AKAP7: variants seen among roughly 807,000 people sequenced by gnomAD.
AKAP7 encodes the protein A kinase (PRKA) anchor protein 7.
A neutral mutation model predicts 39.5 loss-of-function variants in AKAP7; 39 were observed. The ratio of observed to expected loss-of-function variants is 0.99; its 90% confidence interval spans 0.76 to 1.29. AKAP7 has a LOEUF of 1.29. Ranked by LOEUF, AKAP7 falls within the 50% of genes most tolerant of loss-of-function variation. The pLI is 0.00. For missense variants in AKAP7, 414 were observed against 407.7 expected, an observed-to-expected ratio of 1.02 and a Z score of -0.13; for synonymous variants, 140 against 139.1, an observed-to-expected ratio of 1.01 and a Z score of -0.05.
intron 5 of AKAP7, among the ~76,000 whole-genome samples, chr6:131,178,799 C>T (rs550360389): frequency 3.2e-4 from 49 of 152,216 alleles, no homozygotes; most frequent in African/African-American, 5.1e-4. Context: ...TGCTTTTTTG[C>T]GCCAACACCT....
intron 7 of AKAP7, among the ~76,000 whole-genome samples, chr6:131,262,613 A>T (rs565679213): frequency 1.4e-4 from 21 of 151,700 alleles, no homozygotes; most frequent in Admixed American, 3.9e-4. Flanking sequence ...AATAATTTTT[A>T]AAAAAATATA....
At chr6:131,271,183 A>G (rs1022398784) in intron 7 of AKAP7, among the ~76,000 whole-genome samples, 1 of 152,132 alleles carries the variant, frequency 6.6e-6, no homozygotes, top group Non-Finnish European at 1.5e-5. Flanking sequence ...TCTTCTAGAC[A>G]GTTTATACTT....
chr6:131,176,505 A>G (rs1163662763), intron 5 of AKAP7, among the ~76,000 whole-genome samples: 1 of 152,094 alleles, frequency 6.6e-6, no homozygotes, highest in African/African-American at 2.4e-5. Context: ...AGACTGAGAG[A>G]TTGCTAAAAA....
intron 5 of AKAP7, among the ~76,000 whole-genome samples, chr6:131,185,738 C>T (rs138223058): frequency 6.6e-6 from 1 of 152,134 alleles, no homozygotes; most frequent in African/African-American, 2.4e-5. Flanking sequence ...ATCAGATATA[C>T]GATTTGCAAA....
At chr6:131,132,314 GA>G (rs11307437), upstream of AKAP7, among the ~76,000 whole-genome samples, 105,023 of 143,362 alleles carry the variant, frequency 0.73, 38,487 homozygotes, top group Non-Finnish European at 0.77. Context: ...TTCCGTCTCA[GA>G]AAAAAAAAAA....
Position 131,219,715 on chromosome 6 carries a change from G to A in AKAP7, c.757G>A (p.Gly253Arg), listed in dbSNP as rs1809535751. ...LYEKFISHRF[G>R]EEILYRIDLC... Reference sequence around the variant, plus strand: ...TGAAAAGTTTATCAGTCACAGATTTGGAGAAGAAATATTATATCGCATAGA... The same window carrying A: ...TGAAAAGTTTATCAGTCACAGATTTAGAGAAGAAATATTATATCGCATAGA... The change falls in exon 7 of 8, where the codon GGA becomes AGA. Residue 253 changes from glycine (G) to arginine (R), a missense_variant. Physicochemically the swap from Gly to Arg is moderately radical, Grantham distance 125. Coordinates refer to ENST00000431975, the MANE Select transcript of AKAP7 (RefSeq NM_016377.4). 2 of 1,597,640 alleles carry A rather than the reference G, an allele frequency of 1.3e-6. No homozygotes were observed.
intron 5 of AKAP7, among the ~76,000 whole-genome samples, chr6:131,198,047 T>C (rs1286478727): frequency 1.3e-5 from 2 of 152,132 alleles, no homozygotes; most frequent in East Asian, 1.9e-4. Context: ...ATGGGAGTGC[T>C]AGAAGCAAGG....
At chr6:131,226,766 T>C (rs1479188396) in intron 7 of AKAP7, among the ~76,000 whole-genome samples, 1 of 150,296 alleles carries the variant, frequency 6.7e-6, no homozygotes, top group Non-Finnish European at 1.5e-5. Context: ...AGACGTTTTT[T>C]GTTTGTTTGT....
chr6:131,260,426 G>A (rs1009944761), intron 7 of AKAP7, among the ~76,000 whole-genome samples: 2 of 152,142 alleles, frequency 1.3e-5, no homozygotes, highest in African/African-American at 4.8e-5. Flanking sequence ...CACCAACAGT[G>A]TAAAAGTGTT....
At chr6:131,259,533 T>C (rs1813133239) in intron 7 of AKAP7, among the ~76,000 whole-genome samples, 1 of 152,178 alleles carries the variant, frequency 6.6e-6, no homozygotes, top group African/African-American at 2.4e-5. Flanking sequence ...ATTAGGACAG[T>C]GAGTGTTAGT....
In AKAP7 at chr6:131,282,505, T is replaced by C; in HGVS notation, c.*779T>C. 1 of 1,535,898 alleles carries C rather than the reference T, an allele frequency of 6.5e-7. No individual in the cohort carries two copies. The highest frequency in any genetic ancestry group is 8.7e-7 in the Non-Finnish European group (1 of 1,146,766). On this transcript the variant is annotated 3_prime_UTR_variant, in exon 8 of 8. Transcript: ENST00000431975. ...AGATAAAGGAACTTTTATTAAAGCC[T>C]GAGACTCAGGCCAGAATTAGGAGGG...
In AKAP7 at chr6:131,282,957, G is replaced by A; in HGVS notation, c.*1231G>A. Reference sequence around the variant, plus strand: ...CAGAGCCAACAACAGTATTTTAAGGGTCACTTGCCTCCTGTTGACACAATT... The same window carrying A: ...CAGAGCCAACAACAGTATTTTAAGGATCACTTGCCTCCTGTTGACACAATT... On this transcript the variant is annotated 3_prime_UTR_variant, in exon 8 of 8. Transcript: ENST00000431975. 1 of 169,978 alleles carries A rather than the reference G, an allele frequency of 5.9e-6. No individual in the cohort carries two copies. The highest frequency in any genetic ancestry group is 1.3e-5 in the Non-Finnish European group (1 of 79,442). The allele number at this position is 169,978 out of a possible 1,614,324, so 10.5% of individuals were successfully genotyped here.
At chr6:131,243,389 C>T (rs73774714) in intron 7 of AKAP7, among the ~76,000 whole-genome samples, 352 of 152,250 alleles carry the variant, frequency 2.3e-3, no homozygotes, top group African/African-American at 8.2e-3. Context: ...CATAAACAGA[C>T]TAATCAGAAT....
intron 5 of AKAP7, among the ~76,000 whole-genome samples, chr6:131,190,232 T>G (rs1190801): frequency 0.29 from 43,410 of 152,094 alleles, 6,925 homozygotes; most frequent in Non-Finnish European, 0.36. Flanking sequence ...CAAAAGTTCT[T>G]TGTGACAAAT....
At chr6:131,276,261 G>A (rs1814729613) in intron 7 of AKAP7, among the ~76,000 whole-genome samples, 1 of 152,208 alleles carries the variant, frequency 6.6e-6, no homozygotes, top group Middle Eastern at 3.4e-3. Flanking sequence ...AAATTTTCTG[G>A]TGTGTATGTG....
chr6:131,163,540 C>T (rs533692324), intron 3 of AKAP7, among the ~76,000 whole-genome samples: 15 of 152,288 alleles, frequency 9.8e-5, no homozygotes, highest in African/African-American at 2.4e-4. Flanking sequence ...TTGGCCTCTA[C>T]GTGTTGGCAT....
chr6:131,257,983 T>A (rs1357175526), intron 7 of AKAP7, among the ~76,000 whole-genome samples: 2 of 152,192 alleles, frequency 1.3e-5, no homozygotes, highest in Non-Finnish European at 1.5e-5. Flanking sequence ...TTAATACACT[T>A]TTTTTGTTGC....
chr6:131,184,911 C>T (rs1469334336), intron 5 of AKAP7: 5 of 913,386 alleles, frequency 5.5e-6, no homozygotes, highest in Non-Finnish European at 9.2e-6. Flanking sequence ...CATCCAGCTC[C>T]TTATGGGCAC....
intron 2 of AKAP7, among the ~76,000 whole-genome samples, chr6:131,154,336 A>G (rs1274448160): frequency 6.6e-6 from 1 of 152,190 alleles, no homozygotes. Flanking sequence ...TGAATCCATT[A>G]TTTAATATCA....
Sources: gnomAD v4.1 joint callset for allele counts (sites outside exome capture counted in the v4.1 genomes callset) on GRCh38, gnomAD v4.1.1 for gene constraint, MANE v1.5 for transcripts, NCBI Gene and HGNC (gene_info 2026-07-23, HGNC 2026-07-21) for gene names.